Variants in NACC2 observed in about 807,000 individuals in gnomAD.
NACC2 encodes NACC family member 2.
NACC2 carries 8 observed loss-of-function variants against 25.1 expected under a neutral mutation model. The observed-to-expected ratio is 0.32, with a 90% confidence interval of 0.19 to 0.57. NACC2 has a LOEUF of 0.57. Ranked by LOEUF, NACC2 falls within the 20% of genes least tolerant of loss-of-function variation. The pLI, the probability that NACC2 is intolerant of heterozygous loss-of-function variation, is 0.89. For synonymous variants in NACC2, 435 were observed against 294.7 expected (o/e 1.48, Z -4.88); for missense variants, 644 against 650.2 (o/e 0.99, Z 0.10).
intron 3 of NACC2, 129 bp downstream of exon 3, chr9:136,016,136 T>C (rs1840199401): frequency 2.0e-6 from 2 of 984,160 alleles, no homozygotes; most frequent in Non-Finnish European, 2.9e-6. Flanking sequence ...TAAAAGGAAA[T>C]TAGAGGAAAT....
intron 3 of NACC2, among the ~76,000 whole-genome samples, chr9:136,015,979 T>A (rs995871006): frequency 1.3e-5 from 2 of 152,314 alleles, no homozygotes; most frequent in Admixed American, 1.3e-4. Flanking sequence ...GACTGGCAAC[T>A]ATACGTGACA....
intron 1 of NACC2, among the ~76,000 whole-genome samples, chr9:136,060,085 C>G (rs1840987466): frequency 6.6e-6 from 1 of 152,196 alleles, no homozygotes; most frequent in African/African-American, 2.4e-5. Context: ...GCGGCATGCC[C>G]AGACCTATTT....
At chr9:136,040,217 C>A (rs1840608026) in intron 2 of NACC2, among the ~76,000 whole-genome samples, 1 of 151,876 alleles carries the variant, frequency 6.6e-6, no homozygotes, top group Non-Finnish European at 1.5e-5. Context: ...TGGTGGCGGG[C>A]ACCTGTATTC....
chr9:136,089,871 A>G (rs1197074458), intron 1 of NACC2, among the ~76,000 whole-genome samples: 1 of 151,962 alleles, frequency 6.6e-6, no homozygotes, highest in Non-Finnish European at 1.5e-5. Flanking sequence ...AATGGACATG[A>G]CACAGGCAAG....
intron 2 of NACC2, among the ~76,000 whole-genome samples, chr9:136,049,114 C>T (rs1588571130): frequency 6.6e-6 from 1 of 152,236 alleles, no homozygotes; most frequent in Non-Finnish European, 1.5e-5. Context: ...GGGGAGCAGC[C>T]CTCCTTGAAA....
chr9:136,023,284 C>G (rs1427162289), intron 2 of NACC2, among the ~76,000 whole-genome samples: 1 of 151,680 alleles, frequency 6.6e-6, no homozygotes, highest in Non-Finnish European at 1.5e-5. Context: ...CTCACTGGCA[C>G]CCCCAGGAGC....
At position 136,020,617 on chromosome 9, in the gene NACC2, G is replaced by A. The variant is rs977798501; in HGVS notation, c.887-4188C>T. Among the ~76,000 whole-genome samples, 3 of 152,220 alleles carry A rather than the reference G, an allele frequency of 2.0e-5. No individual in the cohort carries two copies. Among genetic ancestry groups the A allele is most frequent in the Non-Finnish European group, 4.4e-5 (3 of 68,038 alleles). On this transcript the variant is annotated intron_variant, in intron 2 of 5. Transcript: ENST00000277554. This position sits in a 1 kb window ranked among gnomAD's most constrained non-coding sequence, Gnocchi z 4.7. Reference sequence around the variant, plus strand: ...TTGTTAAAATGCACCACAAGAAAATGAGCCCCTAGTCCTTGATGATACAGA... The same window carrying A: ...TTGTTAAAATGCACCACAAGAAAATAAGCCCCTAGTCCTTGATGATACAGA...
intron 1 of NACC2, among the ~76,000 whole-genome samples, chr9:136,057,441 A>T (rs1339925827): frequency 6.6e-6 from 1 of 152,210 alleles, no homozygotes; most frequent in African/African-American, 2.4e-5. Flanking sequence ...CACCCCAGCC[A>T]GCAGACCCAC....
rs771260814 is a variant in NACC2 at position 136,008,973 on chromosome 9, G to T, written c.*2543C>A. The T allele has an allele frequency of 6.6e-6, 1 of 152,304 alleles. No individual in the cohort carries two copies. The highest frequency in any genetic ancestry group is 1.5e-5 in the Non-Finnish European group (1 of 68,086). 9.4% of individuals were successfully genotyped at this position (152,304 alleles called of 1,614,324 possible). On this transcript the variant is annotated 3_prime_UTR_variant, in exon 6 of 6. Coordinates refer to ENST00000277554, the MANE Select transcript of NACC2 (RefSeq NM_144653.5). ...CGGCGATTACAAACGAGTGAGGAAG[G>T]GGCACGGGACATTGTGCGGGCCTGA... is the stretch of plus-strand genomic sequence containing the variant.
chr9:136,050,750 TC>T (rs1840818046), intron 1 of NACC2, among the ~76,000 whole-genome samples, 170 bp from the exon 2 acceptor site: 1 of 151,476 alleles, frequency 6.6e-6, no homozygotes, highest in Non-Finnish European at 1.5e-5. Context: ...GGACACGGGG[TC>T]TCCCAGACCC....
At chr9:136,067,418 T>C (rs1290902555) in intron 1 of NACC2, among the ~76,000 whole-genome samples, 1 of 152,246 alleles carries the variant, frequency 6.6e-6, no homozygotes, top group Non-Finnish European at 1.5e-5. Context: ...TGCATAACTC[T>C]GAATACAGAC....
chr9:136,093,572 G>A (rs761264046), intron 1 of NACC2, among the ~76,000 whole-genome samples: 12 of 152,192 alleles, frequency 7.9e-5, no homozygotes, highest in Admixed American at 2.6e-4. Flanking sequence ...AGTGACAAGT[G>A]ATATCTTGTT....
At chr9:136,024,537 A>T (rs1351625855) in intron 2 of NACC2, among the ~76,000 whole-genome samples, 144 of 77,430 alleles carry the variant, frequency 1.9e-3, no homozygotes, top group South Asian at 6.0e-3. Context: ...GTGTGTGGAC[A>T]GTGTGTGTGA....
intron 5 of NACC2, among the ~76,000 whole-genome samples, chr9:136,012,443 ACTCGC>A (rs941058324): frequency 2.8e-4 from 43 of 151,910 alleles, no homozygotes; most frequent in African/African-American, 9.2e-4. Flanking sequence ...CTTCAGCAAC[ACTCGC>A]CTCCTTTCTC....
chr9:136,034,997 G>A (rs1430714501), intron 2 of NACC2, among the ~76,000 whole-genome samples: 1 of 152,152 alleles, frequency 6.6e-6, no homozygotes, highest in East Asian at 1.9e-4. Flanking sequence ...GGGAGGCTGA[G>A]GCAGGAGAAT....
chr9:136,073,577 T>C (rs970099528), intron 1 of NACC2, among the ~76,000 whole-genome samples: 6 of 152,044 alleles, frequency 3.9e-5, no homozygotes, highest in Admixed American at 1.3e-4. Context: ...AAATGCACAA[T>C]TGGTCTCGAA....
rs772075736 is a variant in NACC2, at chr9:136,013,329, A to C, written c.1158-33T>G. ...AGGGACCGGAAAGGCAGGCAGGGTG[A>C]GGATGATGGGGAGGGTACCTGGAGG... On this transcript the variant is annotated intron_variant, in intron 4 of 5. Coordinates refer to ENST00000277554, the MANE Select transcript of NACC2 (RefSeq NM_144653.5). The surrounding 1 kb of genome is among the most constrained non-coding windows in gnomAD (Gnocchi z 6.6). 2.5e-6 allele frequency: 4 copies of C among 1,592,226 alleles called. No homozygotes were observed. The highest frequency in any genetic ancestry group is 1.7e-6 in the Non-Finnish European group (2 of 1,163,802).
rs1014658582 is a variant in NACC2 at position 136,011,551 on chromosome 9, G to A, written c.1729C>T (p.Arg577Trp). ...SRPQTPAAAA[R>W]RPEGTYAGTL ...CCTGCATAGGTGCCCTCCGGCCTCC[G>A]GGCCGCGGCCGCCGGCGTCTGGGGC... Residue 577 changes from arginine (R) to tryptophan (W), a missense_variant, in exon 6 of 6, where the codon CGG becomes TGG. By Grantham distance (101) the Arg-to-Trp change is moderately radical. Transcript: ENST00000277554. 13 of 1,406,504 alleles carry A rather than the reference G, an allele frequency of 9.2e-6. No individual in the cohort carries two copies. Among genetic ancestry groups the A allele is most frequent in the Admixed American group, 2.9e-5 (1 of 33,992 alleles). 87.1% of individuals were successfully genotyped at this position (1,406,504 alleles called of 1,614,324 possible). A position where few individuals can be genotyped will look rare whatever the true frequency, so the allele number is the denominator to read the frequency against.
rs928126043 is a variant in NACC2, at chr9:136,084,368, C to T, written c.-60+10821G>A. Among the ~76,000 whole-genome samples, 11 of 152,274 alleles carry T rather than the reference C, an allele frequency of 7.2e-5. No individual in the cohort carries two copies. Among genetic ancestry groups the T allele is most frequent in the Non-Finnish European group, 1.3e-4 (9 of 68,016 alleles). The stretch of plus-strand genomic sequence containing the variant: ...AGGCGGGTTGCTGGAGGGCTGCTTC[C>T]GAGACTCATCCATCACACAGACACC... On this transcript the variant is annotated intron_variant, in intron 1 of 5. Transcript: ENST00000277554. The surrounding 1 kb of genome is among the most constrained non-coding windows in gnomAD (Gnocchi z 5.1).
Sources: allele counts gnomAD v4.1 joint callset (sites outside exome capture counted in the v4.1 genomes callset), GRCh38; gene constraint gnomAD v4.1.1; non-coding constraint Gnocchi (gnomAD v3.1); transcripts MANE v1.5; gene names NCBI Gene and HGNC (gene_info 2026-07-23, HGNC 2026-07-21).